The following PDGFD variants were observed in gnomAD, a reference collection of about 807,000 sequenced individuals.
PDGFD encodes the protein platelet-derived growth factor D.
In PDGFD, 30 loss-of-function variants were observed where a neutral mutation model predicts 44.7. The ratio of observed to expected loss-of-function variants is 0.67; its 90% confidence interval spans 0.50 to 0.91. The LOEUF (loss-of-function observed/expected upper bound fraction) is 0.91. PDGFD is among the 40% of genes least tolerant of loss of function. The probability of loss-of-function intolerance (pLI) is 0.00; values close to 1 mark genes in which losing one functional copy is unlikely to be tolerated. For synonymous variants in PDGFD, 173 were observed against 168.4 expected (o/e 1.03, Z -0.21); for missense variants, 445 against 457.8 (o/e 0.97, Z 0.25).
At chr11:103,956,154 T>C (rs965931936) in intron 3 of PDGFD, among the ~76,000 whole-genome samples, 2 of 151,400 alleles carry the variant, frequency 1.3e-5, no homozygotes, top group East Asian at 1.9e-4. Flanking sequence ...GCTGGTGTGC[T>C]GCACCCATTA....
intron 3 of PDGFD, among the ~76,000 whole-genome samples, chr11:103,975,219 C>T (rs1277092987): frequency 2.0e-5 from 3 of 152,114 alleles, no homozygotes; most frequent in Non-Finnish European, 4.4e-5. Context: ...TGTGGTTTTG[C>T]TTTGCATTTC....
intron 1 of PDGFD, among the ~76,000 whole-genome samples, chr11:104,146,682 AAGTT>A (rs1265006960): frequency 3.3e-5 from 5 of 152,174 alleles, no homozygotes; most frequent in Non-Finnish European, 7.3e-5. Flanking sequence ...ATTAGCATCA[AAGTT>A]AGTCCCCATC....
intron 1 of PDGFD, among the ~76,000 whole-genome samples, chr11:104,136,055 G>A (rs1861999166): frequency 6.6e-6 from 1 of 152,198 alleles, no homozygotes; most frequent in Non-Finnish European, 1.5e-5. Flanking sequence ...GATGGGATGA[G>A]GAGGGAGAGA....
intron 1 of PDGFD, among the ~76,000 whole-genome samples, chr11:104,014,493 C>G (rs1436707746): frequency 6.6e-6 from 1 of 152,196 alleles, no homozygotes; most frequent in East Asian, 1.9e-4. Context: ...GAGATCCTCT[C>G]TCCAAACAGA....
At chr11:104,103,462 G>GTGTGTATATATATA (rs1041388346) in intron 1 of PDGFD, among the ~76,000 whole-genome samples, 64 of 133,242 alleles carry the variant, frequency 4.8e-4, no homozygotes, top group South Asian at 7.2e-4. Context: ...GTGTGTGTGT[G>GTGTGTATATATATA]TATATATATA....
chr11:103,972,697 G>C (rs1411506562), intron 3 of PDGFD, among the ~76,000 whole-genome samples: 3 of 152,198 alleles, frequency 2.0e-5, no homozygotes, highest in African/African-American at 7.2e-5. Context: ...CTGAGCTAAT[G>C]ATGGGAGGTG....
intron 1 of PDGFD, chr11:104,037,961 C>A: frequency 6.2e-7 from 1 of 1,613,974 alleles, no homozygotes; most frequent in Non-Finnish European, 8.5e-7. Context: ...GATGAGTCTT[C>A]GGACAAGGAA....
chr11:103,954,710 A>T (rs939978927), intron 3 of PDGFD, among the ~76,000 whole-genome samples: 10 of 152,184 alleles, frequency 6.6e-5, no homozygotes, highest in Non-Finnish European at 1.3e-4. Flanking sequence ...CACTTCTCAG[A>T]GGCAGAAAAT....
At chr11:104,051,527 T>G (rs1860536837) in intron 1 of PDGFD, among the ~76,000 whole-genome samples, 1 of 152,106 alleles carries the variant, frequency 6.6e-6, no homozygotes, top group Non-Finnish European at 1.5e-5. Context: ...CAGAATTACT[T>G]AAATATAAAT....
intron 6 of PDGFD, among the ~76,000 whole-genome samples, chr11:103,923,551 G>A (rs1007330458): frequency 6.6e-6 from 1 of 152,156 alleles, no homozygotes; most frequent in Admixed American, 6.5e-5. Flanking sequence ...GCAACCATGA[G>A]CTGGGGAAAC....
intron 1 of PDGFD, among the ~76,000 whole-genome samples, chr11:104,156,094 T>G (rs565790171): frequency 1.3e-5 from 2 of 152,234 alleles, no homozygotes; most frequent in Non-Finnish European, 2.9e-5. Flanking sequence ...AGGTAATGCA[T>G]GTTAATTAGT....
intron 1 of PDGFD, among the ~76,000 whole-genome samples, chr11:104,026,539 TG>T (rs1860044265): frequency 6.6e-6 from 1 of 152,150 alleles, no homozygotes; most frequent in Admixed American, 6.5e-5. Flanking sequence ...GCACCTGCTT[TG>T]AGATAATTCA....
intron 1 of PDGFD, among the ~76,000 whole-genome samples, chr11:104,014,580 A>G (rs956105688): frequency 5.3e-5 from 8 of 152,162 alleles, no homozygotes; most frequent in Non-Finnish European, 8.8e-5. Context: ...TTTTTTTCAG[A>G]TGAGTTAGAA....
At chr11:104,090,134 T>C (rs1861190632) in intron 1 of PDGFD, among the ~76,000 whole-genome samples, 2 of 151,922 alleles carry the variant, frequency 1.3e-5, no homozygotes, top group Admixed American at 6.6e-5. Flanking sequence ...ATTAATTGTA[T>C]TTTCTCTTTT....
At chr11:103,915,039 G>T (rs1565283033) in intron 6 of PDGFD, among the ~76,000 whole-genome samples, 1 of 152,172 alleles carries the variant, frequency 6.6e-6, no homozygotes, top group Non-Finnish European at 1.5e-5. Context: ...ACTGGCACAA[G>T]ACAAGGATGC....
At chr11:103,948,855 G>A (rs980166756) in intron 3 of PDGFD, among the ~76,000 whole-genome samples, 3 of 151,914 alleles carry the variant, frequency 2.0e-5, no homozygotes, top group Non-Finnish European at 4.4e-5. Flanking sequence ...CGAGTCAAAT[G>A]CGGGGTTCAA....
intron 1 of PDGFD, among the ~76,000 whole-genome samples, chr11:104,069,452 A>G (rs1261685193): frequency 6.6e-6 from 1 of 152,244 alleles, no homozygotes; most frequent in East Asian, 1.9e-4. Context: ...ATTCATAAAT[A>G]TCTTGTTAAA....
chr11:103,920,189 A>G (rs1858192069), intron 6 of PDGFD, among the ~76,000 whole-genome samples: 1 of 152,236 alleles, frequency 6.6e-6, no homozygotes, highest in South Asian at 2.1e-4. Context: ...AAGCTGGGTT[A>G]TAGTGGGAGT....
chr11:103,933,540 T>G (rs1245806920), intron 5 of PDGFD, among the ~76,000 whole-genome samples: 1 of 152,230 alleles, frequency 6.6e-6, no homozygotes, highest in Non-Finnish European at 1.5e-5. Flanking sequence ...CATTTACCAC[T>G]TGTTTTTACA....
Sources: gnomAD v4.1 joint callset for allele counts (sites outside exome capture counted in the v4.1 genomes callset) on GRCh38, gnomAD v4.1.1 for gene constraint, MANE v1.5 for transcripts, NCBI Gene and HGNC (gene_info 2026-07-23, HGNC 2026-07-21) for gene names.